Variants in NAT1 observed in about 807,000 individuals in gnomAD.
NAT1 encodes N-acetyltransferase 1, also known as arylamine N-acetyltransferase 1.
For missense variants in NAT1, 400 were observed against 339.2 expected, an observed-to-expected ratio of 1.18 and a Z score of -1.41; for synonymous variants, 144 against 122.6, an observed-to-expected ratio of 1.17 and a Z score of -1.16.
chr8:18,186,135 C>T (rs1802723366), intron 2 of NAT1, among the ~76,000 whole-genome samples: 1 of 151,418 alleles, frequency 6.6e-6, no homozygotes, highest in Non-Finnish European at 1.5e-5. Context: ...GTTTGTTAGC[C>T]ATGTTTTAAA....
chr8:18,192,197 C>A (rs1430034292), intron 2 of NAT1, among the ~76,000 whole-genome samples: 1 of 152,092 alleles, frequency 6.6e-6, no homozygotes, highest in Non-Finnish European at 1.5e-5. Flanking sequence ...ACAGACACTT[C>A]TCAAAAGAAG....
chr8:18,173,944 T>A (rs1802193441), intron 2 of NAT1, among the ~76,000 whole-genome samples: 1 of 152,114 alleles, frequency 6.6e-6, no homozygotes, highest in South Asian at 2.1e-4. Context: ...CACCTTCATA[T>A]CCACTTTTAA....
At position 18,223,574 on chromosome 8, in the gene NAT1, C is replaced by T. The variant is rs1415417321; in HGVS notation, c.*654C>T. On this transcript the variant is annotated 3_prime_UTR_variant, in exon 3 of 3. Transcript: ENST00000307719. ...GAATAATGCTTTTACAGTTTAGTGG[C>T]GGAACTAAACTCCCAAAATTATTTG... 1.2e-5 allele frequency: 2 copies of T among 166,904 alleles called. No homozygotes were observed. The highest frequency in any genetic ancestry group is 2.1e-4 in the South Asian group (1 of 4,812). The allele number at this position is 166,904 out of a possible 1,614,324, so 10.3% of individuals were successfully genotyped here.
At chr8:18,183,074 A>G (rs1802583638) in intron 2 of NAT1, among the ~76,000 whole-genome samples, 5 of 152,198 alleles carry the variant, frequency 3.3e-5, no homozygotes, top group Admixed American at 2.0e-4. Context: ...ACAGAAATGT[A>G]TTGGCTCATA....
chr8:18,211,860 C>T (rs1563184230), intron 1 of NAT1, among the ~76,000 whole-genome samples: 2 of 152,054 alleles, frequency 1.3e-5, no homozygotes, highest in Admixed American at 1.3e-4. Flanking sequence ...AAAGAAAAGC[C>T]ACTCATTGGC....
intron 2 of NAT1, among the ~76,000 whole-genome samples, chr8:18,188,058 A>T (rs1186963151): frequency 6.6e-6 from 1 of 152,058 alleles, no homozygotes; most frequent in Non-Finnish European, 1.5e-5. Context: ...CAAAAAAGTT[A>T]AAATTCATCT....
At chr8:18,172,706 T>C (rs1235347636) in intron 2 of NAT1, among the ~76,000 whole-genome samples, 1 of 152,206 alleles carries the variant, frequency 6.6e-6, no homozygotes, top group African/African-American at 2.4e-5. Flanking sequence ...ATTAACTCCT[T>C]GAAAGATTAT....
upstream of NAT1, among the ~76,000 whole-genome samples, chr8:18,205,980 G>C (rs1466661753): frequency 6.6e-6 from 1 of 152,202 alleles, no homozygotes; most frequent in African/African-American, 2.4e-5. Context: ...TCCTATGGGA[G>C]CAAGTGGAGC....
At chr8:18,215,759 A>G (rs1055494261) in intron 1 of NAT1, among the ~76,000 whole-genome samples, 1 of 152,104 alleles carries the variant, frequency 6.6e-6, no homozygotes. Flanking sequence ...TCATGTATGT[A>G]TAGCTCTGTT....
chr8:18,182,672 A>T (rs1423116802), intron 2 of NAT1, among the ~76,000 whole-genome samples: 1 of 152,198 alleles, frequency 6.6e-6, no homozygotes, highest in African/African-American at 2.4e-5. Flanking sequence ...GTTTTCTAGC[A>T]GAGTAATTCT....
rs750169788 is a variant in NAT1 at position 18,222,809 on chromosome 8, G to A, written c.762G>A (p.Glu254=). The change falls in exon 3 of 3, where the codon GAG becomes GAA. Residue 254 remains glutamate (E), a synonymous_variant. Transcript: ENST00000307719. The part of the protein sequence containing the change: ...FNYKDNTDLI[E]FKTLSEEEIE... ...ATAAGGACAATACAGATCTAATAGA[G>A]TTCAAGACTCTGAGTGAGGAAGAAA... is the stretch of plus-strand genomic sequence containing the variant. 3 of 1,609,958 alleles carry A rather than the reference G, an allele frequency of 1.9e-6. No homozygotes were observed. Among genetic ancestry groups the A allele is most frequent in the Non-Finnish European group, 2.5e-6 (3 of 1,178,496 alleles).
At chr8:18,211,717 G>A (rs1399944028) in intron 1 of NAT1, among the ~76,000 whole-genome samples, 1 of 152,186 alleles carries the variant, frequency 6.6e-6, no homozygotes. Context: ...GGCCCAGTGA[G>A]CTGGCTTAGG....
chr8:18,222,450 C>G lies in NAT1; in HGVS notation c.403C>G (p.Leu135Val). 6.2e-7 allele frequency: 1 copy of G among 1,614,090 alleles called. No homozygotes were observed. The highest frequency in any genetic ancestry group is 8.5e-7 in the Non-Finnish European group (1 of 1,179,998). ...ACGCTCATACCAGATGTGGCAGCCT[C>G]TGGAGTTAATTTCTGGGAAGGATCA... is the stretch of plus-strand genomic sequence containing the variant. The part of the protein sequence containing the change: ...FGRSYQMWQP[L>V]ELISGKDQPQ... Residue 135 changes from leucine to valine, a missense_variant, in exon 3 of 3, where the codon CTG becomes GTG. Leu to Val is a conservative substitution (Grantham distance 32). Transcript: ENST00000307719.
intron 2 of NAT1, among the ~76,000 whole-genome samples, chr8:18,220,129 C>G (rs755960541): frequency 1.8e-4 from 27 of 152,136 alleles, no homozygotes; most frequent in Non-Finnish European, 3.5e-4. Context: ...CATTGTCTGA[C>G]TAAATACATC....
intron 2 of NAT1, among the ~76,000 whole-genome samples, chr8:18,196,391 A>C (rs988495498): frequency 6.6e-6 from 1 of 152,176 alleles, no homozygotes. Flanking sequence ...AGGGATGAAC[A>C]TATGAGGAAA....
At chr8:18,176,144 C>G (rs141706188) in intron 2 of NAT1, among the ~76,000 whole-genome samples, 21 of 151,888 alleles carry the variant, frequency 1.4e-4, no homozygotes, top group Non-Finnish European at 2.2e-4. Context: ...ATATTTTCTC[C>G]CCATCCGTGG....
At chr8:18,175,975 T>G (rs1589048852) in intron 2 of NAT1, among the ~76,000 whole-genome samples, 1 of 152,156 alleles carries the variant, frequency 6.6e-6, no homozygotes, top group East Asian at 1.9e-4. Context: ...CTGAGCATTT[T>G]TCATGTATCT....
chr8:18,202,483 C>T (rs1165079968), intron 2 of NAT1, among the ~76,000 whole-genome samples: 1 of 152,288 alleles, frequency 6.6e-6, no homozygotes, highest in Middle Eastern at 3.4e-3. Context: ...AGCTGCGGAC[C>T]TTTGCGGTGA....
At chr8:18,213,926 G>A (rs1351320647) in intron 1 of NAT1, among the ~76,000 whole-genome samples, 4 of 151,246 alleles carry the variant, frequency 2.6e-5, no homozygotes, top group South Asian at 4.2e-4. Context: ...CCATTCTCCT[G>A]CCTCAGCCTC....
Sources: allele counts gnomAD v4.1 joint callset (sites outside exome capture counted in the v4.1 genomes callset), GRCh38; gene constraint gnomAD v4.1.1; transcripts MANE v1.5; gene names NCBI Gene and HGNC (gene_info 2026-07-23, HGNC 2026-07-21).